Variants in SHISA6 observed in about 807,000 individuals in gnomAD.
The protein encoded by SHISA6 is shisa family member 6, also known as protein shisa-6.
SHISA6 carries 22 observed loss-of-function variants against 47.9 expected under a neutral mutation model. The ratio of observed to expected loss-of-function variants is 0.46; its 90% CI spans 0.33 to 0.66. The LOEUF (loss-of-function observed/expected upper bound fraction) is 0.66. SHISA6 is among the 30% of genes least tolerant of loss of function. The pLI, the probability that SHISA6 is intolerant of heterozygous loss-of-function variation, is 0.02. For missense variants in SHISA6, 680 were observed against 764.6 expected (o/e 0.89, Z 1.30); for synonymous variants, 388 against 337.8 (o/e 1.15, Z -1.63).
chr17:11,482,715 T>C (rs1916251610), intron 3 of SHISA6, among the ~76,000 whole-genome samples: 1 of 152,078 alleles, frequency 6.6e-6, no homozygotes, highest in South Asian at 2.1e-4. Context: ...CAAAGATAAT[T>C]AGAATTGATC....
intron 3 of SHISA6, among the ~76,000 whole-genome samples, chr17:11,441,312 T>C (rs987321802): frequency 6.6e-6 from 1 of 152,188 alleles, no homozygotes; most frequent in Admixed American, 6.5e-5. Flanking sequence ...GCTTTGGGGA[T>C]AGAAGTGTGA....
chr17:11,427,034 C>T (rs1237572458), intron 3 of SHISA6, among the ~76,000 whole-genome samples: 1 of 152,132 alleles, frequency 6.6e-6, no homozygotes, highest in African/African-American at 2.4e-5. Context: ...AGAAATGTGC[C>T]CCAGAACCCT....
At chr17:11,303,698 C>T (rs1910006377) in intron 2 of SHISA6, among the ~76,000 whole-genome samples, 1 of 152,186 alleles carries the variant, frequency 6.6e-6, no homozygotes, top group African/African-American at 2.4e-5. Flanking sequence ...TGCTCTCAAG[C>T]CCCCAGTCCC....
intron 3 of SHISA6, among the ~76,000 whole-genome samples, chr17:11,487,103 A>G (rs1276914733): frequency 1.3e-5 from 2 of 152,220 alleles, no homozygotes; most frequent in African/African-American, 4.8e-5. Flanking sequence ...CCTTTACAGA[A>G]AAACATTTAC....
intron 3 of SHISA6, among the ~76,000 whole-genome samples, chr17:11,409,906 A>C (rs1379336436): frequency 6.6e-6 from 1 of 152,118 alleles, no homozygotes; most frequent in East Asian, 1.9e-4. Context: ...GTTGCTTCTG[A>C]TACATGCATC....
At chr17:11,433,233 G>A (rs557773955) in intron 3 of SHISA6, among the ~76,000 whole-genome samples, 1 of 151,878 alleles carries the variant, frequency 6.6e-6, no homozygotes, top group Non-Finnish European at 1.5e-5. Flanking sequence ...CCTCCCCCTA[G>A]CCCCCCACCC....
In SHISA6 at chr17:11,322,615, C is replaced by T. The variant is rs538273857; in HGVS notation, c.800-56799C>T. 4.6e-5 allele frequency among the ~76,000 whole-genome samples: 7 copies of T among 152,274 alleles called. No individual in the cohort carries two copies. In the South Asian group the frequency reaches 1.5e-3, roughly 32 times the overall value. Reference sequence around the variant, plus strand: ...GGCATACAATTCCTATTTAGTTATACTAGAATCAAAAACCTAACTTGTATT... The same window carrying T: ...GGCATACAATTCCTATTTAGTTATATTAGAATCAAAAACCTAACTTGTATT... On this transcript the variant is annotated intron_variant, in intron 2 of 5. Transcript: ENST00000441885.
intron 3 of SHISA6, among the ~76,000 whole-genome samples, chr17:11,531,209 CTCTGTGTGTGTGTGTGTG>C (rs2071729210): frequency 1.5e-5 from 2 of 132,522 alleles, no homozygotes; most frequent in African/African-American, 2.9e-5. Flanking sequence ...CAGGTTACTA[CTCTGTGTGTGTGTGTGTG>C]TGTGTGTGTG....
rs921427451 is a variant in SHISA6 at position 11,560,188 on chromosome 17, T to G, written c.*1884T>G. 3 of 152,260 alleles carry G rather than the reference T, an allele frequency of 2.0e-5. No individual in the cohort carries two copies. The highest frequency in any genetic ancestry group is 1.3e-4 in the Admixed American group (2 of 15,294). 9.4% of individuals were successfully genotyped at this position (152,260 alleles called of 1,614,324 possible). ...TTTCAAGAGTTCCAAAGCTCTCATC[T>G]CCTTCTCCCCTCTGCAGGGTGTGCC... On this transcript the variant is annotated 3_prime_UTR_variant, in exon 6 of 6. Transcript: ENST00000441885.
Position 11,286,259 on chromosome 17 carries a change from C to G in SHISA6, c.799+22733C>G, listed in dbSNP as rs114110460. On this transcript the variant is annotated intron_variant, in intron 2 of 5. Transcript: ENST00000441885. ...GACTAGAGCATATCTGTGTGTCCTT[C>G]CCTACTGAAGATTCAGGAACAGATT... is the stretch of plus-strand genomic sequence containing the variant. Among the ~76,000 whole-genome samples, 64 of 152,272 alleles carry G rather than the reference C, an allele frequency of 4.2e-4. 2 individuals carry two copies. The South Asian group carries it at 0.013, about 30-fold the overall frequency.
intron 3 of SHISA6, among the ~76,000 whole-genome samples, chr17:11,446,406 G>A (rs192656377): frequency 1.4e-4 from 22 of 152,300 alleles, no homozygotes; most frequent in East Asian, 7.7e-4. Context: ...TAGGAACTAC[G>A]AAGACACAGC....
At chr17:11,300,044 C>G (rs1909868643) in intron 2 of SHISA6, among the ~76,000 whole-genome samples, 1 of 150,802 alleles carries the variant, frequency 6.6e-6, no homozygotes, top group Non-Finnish European at 1.5e-5. Flanking sequence ...ACTTGGGAGG[C>G]TGAGGCAGGA....
At position 11,381,329 on chromosome 17, in the gene SHISA6, A is replaced by G. The variant is rs888031811; in HGVS notation, c.895+1820A>G. Among the ~76,000 whole-genome samples, 10 of 152,362 alleles carry G rather than the reference A, an allele frequency of 6.6e-5. No homozygotes were observed. In the East Asian group the frequency reaches 1.7e-3, roughly 26 times the overall value. ...TTGGGTTCATGCTTTCTTTCAACAA[A>G]TATTTAATGAGGCCTGCTATGTGCT... On this transcript the variant is annotated intron_variant, in intron 3 of 5. Coordinates refer to ENST00000441885, the MANE Select transcript of SHISA6 (RefSeq NM_207386.4).
chr17:11,340,057 G>GT (rs1163921448), intron 2 of SHISA6, among the ~76,000 whole-genome samples: 3 of 152,190 alleles, frequency 2.0e-5, no homozygotes, highest in Non-Finnish European at 4.4e-5. Context: ...CTGGCTACCT[G>GT]TTTTTTGCCT....
intron 3 of SHISA6, among the ~76,000 whole-genome samples, chr17:11,462,973 G>A (rs1348028731): frequency 1.3e-5 from 2 of 152,170 alleles, no homozygotes; most frequent in Admixed American, 6.5e-5. Context: ...TGCAAATTTT[G>A]TCTTTGGGAA....
intron 2 of SHISA6, among the ~76,000 whole-genome samples, chr17:11,332,951 G>A (rs564587431): frequency 2.0e-5 from 3 of 152,188 alleles, no homozygotes; most frequent in Non-Finnish European, 4.4e-5. Flanking sequence ...GCGGCATCTA[G>A]AGAAGTCTGT....
chr17:11,548,451 A>G (rs1440986947), intron 3 of SHISA6, among the ~76,000 whole-genome samples: 1 of 151,388 alleles, frequency 6.6e-6, no homozygotes, highest in East Asian at 1.9e-4. Flanking sequence ...ATATATATAT[A>G]TATATATACA....
chr17:11,332,768 G>A (rs1171036241), intron 2 of SHISA6, among the ~76,000 whole-genome samples: 1 of 152,166 alleles, frequency 6.6e-6, no homozygotes, highest in African/African-American at 2.4e-5. Context: ...GATCTGTTGT[G>A]AACCCACTCT....
intron 3 of SHISA6, among the ~76,000 whole-genome samples, chr17:11,536,361 GGTA>G (rs2071788458): frequency 6.6e-6 from 1 of 152,060 alleles, no homozygotes; most frequent in South Asian, 2.1e-4. Flanking sequence ...AGCATTACTG[GGTA>G]GATGCAGGTG....
Sources: gnomAD v4.1 joint callset for allele counts (sites outside exome capture counted in the v4.1 genomes callset) on GRCh38, gnomAD v4.1.1 for gene constraint, MANE v1.5 for transcripts, NCBI Gene and HGNC (gene_info 2026-07-23, HGNC 2026-07-21) for gene names.